SEMA6D: variants seen among roughly 807,000 people sequenced by gnomAD.
SEMA6D encodes semaphorin 6D, also known as semaphorin-6D.
SEMA6D carries 35 observed loss-of-function variants against 106.6 expected under a neutral mutation model. The ratio of observed to expected loss-of-function variants is 0.33; its 90% CI spans 0.25 to 0.44. The LOEUF is 0.44. Among genes scored for constraint, SEMA6D ranks in the 20% least tolerant of loss-of-function variants. The pLI, the probability that SEMA6D is intolerant of heterozygous loss-of-function variation, is 1.00. For synonymous variants in SEMA6D, 499 were observed against 487.7 expected, an observed-to-expected ratio of 1.02 and a Z score of -0.31; for missense variants, 1,185 against 1,345.9, an observed-to-expected ratio of 0.88 and a Z score of 1.87.
chr15:47,432,547 G>GTGTATACACCTATATGCATA (rs2041567442), intron 2 of SEMA6D, among the ~76,000 whole-genome samples: 1 of 61,648 alleles, frequency 1.6e-5, no homozygotes, highest in African/African-American at 5.7e-5. Flanking sequence ...TATGTGTTAT[G>GTGTATACACCTATATGCATA]TGTATATACA....
At chr15:47,334,490 G>C (rs1301668261) in intron 1 of SEMA6D, among the ~76,000 whole-genome samples, 3 of 152,194 alleles carry the variant, frequency 2.0e-5, no homozygotes, top group Non-Finnish European at 4.4e-5. Flanking sequence ...GATAGTGTCA[G>C]ATTGAATTCA....
At chr15:47,438,635 A>G (rs1253822673) in intron 2 of SEMA6D, among the ~76,000 whole-genome samples, 1 of 151,510 alleles carries the variant, frequency 6.6e-6, no homozygotes, top group African/African-American at 2.4e-5. Context: ...CCTTCTGGTT[A>G]TGTTCTTTCC....
Position 47,619,346 on chromosome 15 carries a change from T to G in SEMA6D, c.-55+18450T>G, listed in dbSNP as rs1230371642. Reference sequence around the variant, plus strand: ...AAGAGGGTGGGGTTCTCCACACCCATAGCTGACATCTGCTTTGACAAGCAG... The same window carrying G: ...AAGAGGGTGGGGTTCTCCACACCCAGAGCTGACATCTGCTTTGACAAGCAG... On this transcript the variant is annotated intron_variant, in intron 4 of 19. Transcript: ENST00000558014. 2.0e-5 allele frequency among the ~76,000 whole-genome samples: 3 copies of G among 152,210 alleles called. No homozygotes were observed. In the East Asian group the frequency reaches 5.8e-4, roughly 29 times the overall value.
intron 3 of SEMA6D, among the ~76,000 whole-genome samples, chr15:47,589,309 T>G (rs776617674): frequency 2.0e-5 from 3 of 152,226 alleles, no homozygotes; most frequent in Non-Finnish European, 4.4e-5. Flanking sequence ...TTCTAACAAA[T>G]GTAGGTAAGG....
intron 3 of SEMA6D, among the ~76,000 whole-genome samples, chr15:47,573,405 A>G (rs999254909): frequency 6.6e-6 from 1 of 152,246 alleles, no homozygotes; most frequent in South Asian, 2.1e-4. Flanking sequence ...GTTCCAGAAC[A>G]TAGAATTATT....
chr15:47,606,117 T>G (rs1035223942), intron 4 of SEMA6D: 3 of 152,058 alleles, frequency 2.0e-5, no homozygotes, highest in African/African-American at 7.2e-5. Flanking sequence ...TTTTTATATA[T>G]ATAGAGACAG....
intron 1 of SEMA6D, among the ~76,000 whole-genome samples, chr15:47,358,800 G>A (rs1387513666): frequency 6.6e-6 from 1 of 152,202 alleles, no homozygotes; most frequent in African/African-American, 2.4e-5. Flanking sequence ...CATGGCTACA[G>A]CTGTTTCATG....
At chr15:47,653,887 A>C (rs2077741085) in intron 4 of SEMA6D, among the ~76,000 whole-genome samples, 1 of 152,200 alleles carries the variant, frequency 6.6e-6, no homozygotes, top group South Asian at 2.1e-4. Flanking sequence ...TTTCAGAATC[A>C]ATGCAATGCC....
intron 1 of SEMA6D, among the ~76,000 whole-genome samples, chr15:47,186,529 CTT>C (rs5812365): frequency 0.31 from 45,922 of 146,242 alleles, 7,176 homozygotes; most frequent in Admixed American, 0.34. Context: ...ATTCGTACCT[CTT>C]TTTTTTTTTT....
At chr15:47,252,399 A>G (rs2033573274) in intron 1 of SEMA6D, among the ~76,000 whole-genome samples, 1 of 152,144 alleles carries the variant, frequency 6.6e-6, no homozygotes, top group Non-Finnish European at 1.5e-5. Context: ...CTTTGTGGTG[A>G]TAACTTTCAT....
intron 1 of SEMA6D, among the ~76,000 whole-genome samples, chr15:47,330,349 A>G (rs1390499528): frequency 2.6e-5 from 4 of 152,172 alleles, no homozygotes; most frequent in South Asian, 2.1e-4. Flanking sequence ...GACATGCACT[A>G]TCTCCTAGAA....
At chr15:47,386,485 T>A (rs2039843862) in intron 1 of SEMA6D, among the ~76,000 whole-genome samples, 1 of 152,176 alleles carries the variant, frequency 6.6e-6, no homozygotes, top group African/African-American at 2.4e-5. Flanking sequence ...ATGTCAGACC[T>A]TAATCCAAGA....
intron 1 of SEMA6D, among the ~76,000 whole-genome samples, chr15:47,373,889 G>A (rs1055372788): frequency 2.0e-5 from 3 of 152,202 alleles, no homozygotes; most frequent in Non-Finnish European, 2.9e-5. Context: ...ATAAAGGCAA[G>A]TAATTGGTTT....
chr15:47,627,274 C>G (rs193141746), intron 4 of SEMA6D, among the ~76,000 whole-genome samples: 1 of 152,264 alleles, frequency 6.6e-6, no homozygotes, highest in African/African-American at 2.4e-5. Context: ...ACCTCCATCT[C>G]AAATGCTGCT....
chr15:47,736,040 T>C (rs2080427557), intron 1 of SEMA6D, among the ~76,000 whole-genome samples: 1 of 152,224 alleles, frequency 6.6e-6, no homozygotes, highest in Admixed American at 6.5e-5. Context: ...CTCTTAAAAT[T>C]TGTTATCCAG....
chr15:47,558,857 A>G (rs1472808131), intron 3 of SEMA6D, among the ~76,000 whole-genome samples: 1 of 152,130 alleles, frequency 6.6e-6, no homozygotes, highest in Non-Finnish European at 1.5e-5. Context: ...AATGGCAAAA[A>G]TTAAAGCCAA....
chr15:47,560,281 T>G (rs1476040851), intron 3 of SEMA6D, among the ~76,000 whole-genome samples: 1 of 151,802 alleles, frequency 6.6e-6, no homozygotes, highest in Non-Finnish European at 1.5e-5. Context: ...ATTAATAAGT[T>G]CCATAAACTA....
In SEMA6D at chr15:47,717,591, A is replaced by G. The variant is rs1204459911; in HGVS notation, c.-156A>G. The stretch of plus-strand genomic sequence containing the variant: ...AGCCAAGACCTAAGGAGACAGAGGG[A>G]TATCTATTTTTACAATATTTTTCTT... On this transcript the variant is annotated 5_prime_UTR_variant, in exon 1 of 19. Coordinates refer to ENST00000536845, the MANE Select transcript of SEMA6D (RefSeq NM_001358351.3). 6.6e-6 allele frequency: 1 copy of G among 152,118 alleles called. No individual in the cohort carries two copies. Among genetic ancestry groups the G allele is most frequent in the African/African-American group, 2.4e-5 (1 of 41,384 alleles). The allele number at this position is 152,118 out of a possible 1,614,324, so 9.4% of individuals were successfully genotyped here.
chr15:47,488,575 A>T (rs539611986), intron 3 of SEMA6D, among the ~76,000 whole-genome samples: 5 of 152,262 alleles, frequency 3.3e-5, no homozygotes, highest in African/African-American at 1.2e-4. Context: ...ATGGAGCTTT[A>T]TAATCTTCAA....
Sources: gnomAD v4.1 joint callset for allele counts (sites outside exome capture counted in the v4.1 genomes callset) on GRCh38, gnomAD v4.1.1 for gene constraint, MANE v1.5 for transcripts, NCBI Gene and HGNC (gene_info 2026-07-23, HGNC 2026-07-21) for gene names.